INPP4A: variants seen among roughly 807,000 people sequenced by gnomAD.
INPP4A encodes the protein inositol polyphosphate-4-phosphatase type I A, also known as inositol polyphosphate-4-phosphatase, type I, 107kD.
INPP4A carries 33 observed loss-of-function variants against 119.8 expected under a neutral mutation model. The observed-to-expected ratio is 0.28, with a 90% CI of 0.21 to 0.37. The LOEUF (loss-of-function observed/expected upper bound fraction) is 0.37. Ranked by LOEUF, INPP4A falls within the 10% of genes least tolerant of loss-of-function variation. The pLI is 1.00. For missense variants in INPP4A, 956 were observed against 1,289.9 expected (o/e 0.74, Z 3.97); for synonymous variants, 496 against 500.7 (o/e 0.99, Z 0.12).
rs183107767 is a variant in INPP4A, at chr2:98,538,980, G to A, written c.669G>A (p.Ser223=). The change falls in exon 9 of 25, where the codon TCG becomes TCA. Residue 223 remains serine, a splice_region_variant and synonymous_variant. Coordinates refer to ENST00000409851, the MANE Select transcript of INPP4A (RefSeq NM_001134225.2). ...ASLRKDTLLK[S]VFGGAICRMY... is the part of the protein sequence containing the mutation. ...TGCGAAAGGACACTTTGCTGAAATC[G>A]GGTAAACAGCTTCCTCCTTTGGTAT... 22 of 1,595,402 alleles carry A rather than the reference G, an allele frequency of 1.4e-5. No individual in the cohort carries two copies. The East Asian group carries it at 3.1e-4, about 23-fold the overall frequency.
intron 24 of INPP4A, 28 bp from the exon 25 acceptor site, chr2:98,587,448 T>C: frequency 6.4e-7 from 1 of 1,551,542 alleles, no homozygotes; most frequent in Non-Finnish European, 8.7e-7. Flanking sequence ...TTTACTGCCG[T>C]CATTTCTTGT....
intron 1 of INPP4A, among the ~76,000 whole-genome samples, chr2:98,486,950 A>T: frequency 6.6e-6 from 1 of 152,270 alleles, no homozygotes; most frequent in Non-Finnish European, 1.5e-5. Flanking sequence ...GTGGAGATAT[A>T]AAATGTGGCT....
At chr2:98,583,979 C>T in intron 24 of INPP4A, among the ~76,000 whole-genome samples, 1 of 152,344 alleles carries the variant, frequency 6.6e-6, no homozygotes, top group South Asian at 2.1e-4. Context: ...TGAATCCACG[C>T]TTCTCCAAGT....
At position 98,580,126 on chromosome 2, in the gene INPP4A, A is replaced by G. The variant is rs532819687; in HGVS notation, c.2786+2983A>G. 2.3e-4 allele frequency among the ~76,000 whole-genome samples: 35 copies of G among 152,336 alleles called. 3 individuals carry two copies. In the East Asian group the frequency reaches 3.3e-3, roughly 14 times the overall value. On this transcript the variant is annotated intron_variant, in intron 24 of 24. Transcript: ENST00000409851. Reference sequence around the variant, plus strand: ...GGCTGCTGGGGTGCCGAGTACCTGCAGTTTAGCTGAGGGCCCCAGAAGGCA... The same window carrying G: ...GGCTGCTGGGGTGCCGAGTACCTGCGGTTTAGCTGAGGGCCCCAGAAGGCA...
intron 7 of INPP4A, 67 bp from the exon 8 acceptor site, chr2:98,537,796 C>A: frequency 8.1e-7 from 1 of 1,235,326 alleles, no homozygotes; most frequent in Non-Finnish European, 1.2e-6. Context: ...ACGGCTAGGG[C>A]TTTGTATTTC....
chr2:98,492,218 A>G (rs565865849), intron 1 of INPP4A, among the ~76,000 whole-genome samples: 1 of 152,128 alleles, frequency 6.6e-6, no homozygotes, highest in Admixed American at 6.6e-5. Context: ...TGGTCTTATG[A>G]TAGGTTTTTT....
At position 98,500,427 on chromosome 2, in the gene INPP4A, G is replaced by A. The variant is rs574558344; in HGVS notation, c.-165-18537G>A. 3.2e-4 allele frequency among the ~76,000 whole-genome samples: 49 copies of A among 152,284 alleles called. 1 individual carries two copies. The South Asian group carries it at 9.7e-3, about 30-fold the overall frequency. ...TGCTCCAGGTCCATTGTCTCCCAAAGGGCATGTCTGCTGTTCCAGAGAAAA... is the reference window on the plus strand; with the variant it reads ...TGCTCCAGGTCCATTGTCTCCCAAAAGGCATGTCTGCTGTTCCAGAGAAAA... On this transcript the variant is annotated intron_variant, in intron 1 of 24. Coordinates refer to ENST00000409851, the MANE Select transcript of INPP4A (RefSeq NM_001134225.2).
chr2:98,512,757 A>G (rs758803394), intron 1 of INPP4A, among the ~76,000 whole-genome samples: 5 of 152,206 alleles, frequency 3.3e-5, no homozygotes, highest in Non-Finnish European at 7.3e-5. Flanking sequence ...TTTGGAGAAC[A>G]CGTTCAAACT....
intron 1 of INPP4A, among the ~76,000 whole-genome samples, chr2:98,501,086 G>A (rs987948575): frequency 1.6e-4 from 25 of 152,220 alleles, no homozygotes; most frequent in African/African-American, 5.6e-4. Context: ...GGAGGCCGGG[G>A]CAGGCGGATC....
At chr2:98,479,108 C>T (rs758983983) in intron 1 of INPP4A, among the ~76,000 whole-genome samples, 1 of 152,152 alleles carries the variant, frequency 6.6e-6, no homozygotes, top group Non-Finnish European at 1.5e-5. Context: ...ACCACACTTC[C>T]AGTTGCCCTA....
At chr2:98,552,471 A>G (rs1693704946) in intron 13 of INPP4A, 3 of 451,210 alleles carry the variant, frequency 6.6e-6, no homozygotes, top group Non-Finnish European at 1.3e-5. Context: ...GTGGAAGATT[A>G]CGATCATTTG....
chr2:98,532,121 A>G (rs1689349705), intron 4 of INPP4A, among the ~76,000 whole-genome samples: 1 of 152,234 alleles, frequency 6.6e-6, no homozygotes, highest in South Asian at 2.1e-4. Flanking sequence ...CTTACTCTGA[A>G]TGAACATGAC....
rs112127532 is a variant in INPP4A, at chr2:98,533,350, C to T, written c.152-27C>T. On this transcript the variant is annotated intron_variant, in intron 4 of 24. Coordinates refer to ENST00000409851, the MANE Select transcript of INPP4A (RefSeq NM_001134225.2). Reference sequence around the variant, plus strand: ...AATCAGAGTCTGGTTTTAAAGGATTCATTTCTTTCCCGTGTTGATTCTGTA... The same window carrying T: ...AATCAGAGTCTGGTTTTAAAGGATTTATTTCTTTCCCGTGTTGATTCTGTA... The T allele has an allele frequency of 4.9e-6, 7 of 1,429,122 alleles. No homozygotes were observed. The Admixed American group carries it at 1.2e-4, about 24-fold the overall frequency. 88.5% of individuals were successfully genotyped at this position (1,429,122 alleles called of 1,614,324 possible).
intron 1 of INPP4A, among the ~76,000 whole-genome samples, chr2:98,459,944 A>T (rs1696843066): frequency 6.6e-6 from 1 of 152,188 alleles, no homozygotes; most frequent in Non-Finnish European, 1.5e-5. Flanking sequence ...TCAGGGAGAA[A>T]CCAGAACTGT....
chr2:98,567,472 G>A lies in INPP4A; in HGVS notation c.2421-1099G>A, dbSNP rs184411486. Among the ~76,000 whole-genome samples the A allele has an allele frequency of 7.2e-5, 11 of 152,322 alleles. No individual in the cohort carries two copies. The East Asian group carries it at 2.1e-3, about 29-fold the overall frequency. On this transcript the variant is annotated intron_variant, in intron 21 of 24. Coordinates refer to ENST00000409851, the MANE Select transcript of INPP4A (RefSeq NM_001134225.2). ...GCAGAGCTGGAGGCGCCTATGTCAG[G>A]GAGAGGCGCAGCCTCACTGGAGCCC... is the stretch of plus-strand genomic sequence containing the variant.
At chr2:98,481,397 C>T (rs1678427174) in intron 1 of INPP4A, among the ~76,000 whole-genome samples, 1 of 152,166 alleles carries the variant, frequency 6.6e-6, no homozygotes, top group Admixed American at 6.5e-5. Flanking sequence ...CATAAATCGA[C>T]CACTCTTGGC....
At chr2:98,552,094 G>A (rs1198828633) in intron 13 of INPP4A, among the ~76,000 whole-genome samples, 2 of 152,202 alleles carry the variant, frequency 1.3e-5, no homozygotes, top group Admixed American at 1.3e-4. Context: ...GGGAGAGCCA[G>A]GGTTACAAAG....
In INPP4A at chr2:98,545,973, C is replaced by T. The variant is rs371646439; in HGVS notation, c.954C>T (p.Pro318=). The T allele has an allele frequency of 4.4e-5, 70 of 1,585,322 alleles. No homozygotes were observed. The highest frequency in any genetic ancestry group is 5.7e-5 in the Non-Finnish European group (66 of 1,164,964). ...NLTDLHQYRG[P]SFKASSLKAD... Reference sequence around the variant, plus strand: ...TTCTCCTATTCCATTTCTTAGGGCCCTCGTTTAAAGCAAGCAGTTTGAAAG... The same window carrying T: ...TTCTCCTATTCCATTTCTTAGGGCCTTCGTTTAAAGCAAGCAGTTTGAAAG... The change falls in exon 12 of 25, where the codon CCC becomes CCT. Residue 318 remains proline (P), a synonymous_variant. Transcript: ENST00000409851.
intron 23 of INPP4A, among the ~76,000 whole-genome samples, chr2:98,575,639 G>T (rs1698291376): frequency 6.6e-6 from 1 of 152,098 alleles, no homozygotes; most frequent in Non-Finnish European, 1.5e-5. Flanking sequence ...CCTAGACGAG[G>T]TTCTTAGCAC....
Sources: allele counts gnomAD v4.1 joint callset (sites outside exome capture counted in the v4.1 genomes callset), GRCh38; gene constraint gnomAD v4.1.1; transcripts MANE v1.5; gene names NCBI Gene and HGNC (gene_info 2026-07-23, HGNC 2026-07-21).